CDC14A: variants seen among roughly 807,000 people sequenced by gnomAD.
CDC14A encodes dual specificity protein phosphatase CDC14A.
A neutral mutation model predicts 74.4 loss-of-function variants in CDC14A; 53 were observed. The observed-to-expected ratio is 0.71, with a 90% CI of 0.57 to 0.89. CDC14A has a LOEUF of 0.89. CDC14A is among the 40% of genes least tolerant of loss of function. The pLI is 0.00. For missense variants in CDC14A, 646 were observed against 713.7 expected, an observed-to-expected ratio of 0.91 and a Z score of 1.08; for synonymous variants, 247 against 258.4, an observed-to-expected ratio of 0.96 and a Z score of 0.43.
intron 2 of CDC14A, among the ~76,000 whole-genome samples, chr1:100,362,699 C>G (rs1270432536): frequency 6.6e-6 from 1 of 152,130 alleles, no homozygotes; most frequent in Non-Finnish European, 1.5e-5. Flanking sequence ...CGAAATACTT[C>G]CAGGAGCACC....
chr1:100,436,307 A>G (rs1349779340), intron 5 of CDC14A, among the ~76,000 whole-genome samples: 1 of 152,214 alleles, frequency 6.6e-6, no homozygotes, highest in Non-Finnish European at 1.5e-5. Flanking sequence ...TGCCTCTTAA[A>G]TGGACTTTCA....
At chr1:100,362,148 C>CT (rs1652844031) in intron 2 of CDC14A, among the ~76,000 whole-genome samples, 1 of 152,142 alleles carries the variant, frequency 6.6e-6, no homozygotes, top group African/African-American at 2.4e-5. Flanking sequence ...ATAATGGAGT[C>CT]TTTGTCTTTT....
intron 2 of CDC14A, among the ~76,000 whole-genome samples, chr1:100,367,439 A>G (rs1157602634): frequency 6.6e-6 from 1 of 152,192 alleles, no homozygotes; most frequent in Non-Finnish European, 1.5e-5. Context: ...ATTATACCAA[A>G]GTTGGTGATA....
intron 11 of CDC14A, among the ~76,000 whole-genome samples, chr1:100,494,077 A>C (rs1315625301): frequency 6.6e-6 from 1 of 152,208 alleles, no homozygotes; most frequent in Non-Finnish European, 1.5e-5. Context: ...TCTTGGGACA[A>C]TAAATCTAAT....
chr1:100,419,913 C>A (rs557790179), intron 4 of CDC14A, among the ~76,000 whole-genome samples: 2 of 149,566 alleles, frequency 1.3e-5, no homozygotes, highest in Non-Finnish European at 3.0e-5. Context: ...TTCAGATGGC[C>A]AAATTGAATC....
intron 8 of CDC14A, among the ~76,000 whole-genome samples, chr1:100,456,464 T>A (rs1176002673): frequency 3.4e-5 from 5 of 148,570 alleles, no homozygotes. Flanking sequence ...ATCATAGAGG[T>A]GGAATACCAG....
chr1:100,385,905 CT>C (rs1651539129), intron 3 of CDC14A, among the ~76,000 whole-genome samples: 1 of 152,128 alleles, frequency 6.6e-6, no homozygotes, highest in Non-Finnish European at 1.5e-5. Flanking sequence ...AGGGTATTTG[CT>C]TTGTAATCCC....
intron 4 of CDC14A, among the ~76,000 whole-genome samples, chr1:100,391,321 A>C (rs944815312): frequency 6.6e-6 from 1 of 152,168 alleles, no homozygotes; most frequent in Non-Finnish European, 1.5e-5. Flanking sequence ...AATCCTGCAT[A>C]TATTATAGCT....
chr1:100,501,224 C>T lies in CDC14A; in HGVS notation c.1755+1962C>T, dbSNP rs574298723. 6.6e-5 allele frequency among the ~76,000 whole-genome samples: 10 copies of T among 152,314 alleles called. No homozygotes were observed. The East Asian group carries it at 1.9e-3, about 29-fold the overall frequency. On this transcript the variant is annotated intron_variant, in intron 15 of 15. Coordinates refer to ENST00000336454, the MANE Select transcript of CDC14A (RefSeq NM_003672.4). ...ACTATATTTATAAATCATATACTTT[C>T]CAGCAGGCATTGAGTTCAGTCAGCA...
chr1:100,412,440 T>G (rs901566500), intron 4 of CDC14A, among the ~76,000 whole-genome samples: 2 of 151,686 alleles, frequency 1.3e-5, no homozygotes, highest in Non-Finnish European at 2.9e-5. Flanking sequence ...AATGAAGAAA[T>G]GAATTACCTG....
intron 7 of CDC14A, among the ~76,000 whole-genome samples, chr1:100,450,560 C>T (rs682605): frequency 0.035 from 5,399 of 152,126 alleles, 261 homozygotes; most frequent in African/African-American, 0.11. Context: ...AAGAAGCATT[C>T]TCCTGGAGCT....
rs751247467 is a variant in CDC14A at position 100,459,086 on chromosome 1, A to AACACACACACACACACACAC, written c.608-3551_608-3550insACACACACACACACACACAC. 7.6e-3 allele frequency among the ~76,000 whole-genome samples: 960 copies of AACACACACACACACACACAC among 127,126 alleles called. 1 individual carries two copies. The highest frequency in any genetic ancestry group is 0.013 in the African/African-American group (372 of 27,750). The allele number at this position is 127,126 out of a possible 152,430, so 83.4% of individuals were successfully genotyped here. A position where few individuals can be genotyped will look rare whatever the true frequency, so the allele number is the denominator to read the frequency against. On this transcript the variant is annotated intron_variant, in intron 8 of 15. Coordinates refer to ENST00000336454, the MANE Select transcript of CDC14A (RefSeq NM_003672.4). Reference sequence around the variant, plus strand: ...TCACTGTCATTCTCACTTCTATTTAAACACACACACACACGCACACACACA... The same window carrying AACACACACACACACACACAC: ...TCACTGTCATTCTCACTTCTATTTAAACACACACACACACACACACACACACACACACACGCACACACACA...
At chr1:100,412,819 G>A (rs1454308677) in intron 4 of CDC14A, among the ~76,000 whole-genome samples, 1 of 137,468 alleles carries the variant, frequency 7.3e-6, no homozygotes, top group Admixed American at 7.5e-5. Flanking sequence ...TTGGGTTTAA[G>A]TTACTTTTAT....
chr1:100,486,499 G>A (rs686266), intron 11 of CDC14A, among the ~76,000 whole-genome samples: 142,480 of 152,280 alleles, frequency 0.94, 67,200 homozygotes, highest in Non-Finnish European at 1. Context: ...TATTTCTCAC[G>A]GTTCTGCAGG....
At chr1:100,466,397 A>G (rs1378785482) in intron 9 of CDC14A, among the ~76,000 whole-genome samples, 1 of 152,214 alleles carries the variant, frequency 6.6e-6, no homozygotes, top group Non-Finnish European at 1.5e-5. Context: ...GCACTGGGTG[A>G]AATAGAAGGC....
At chr1:100,475,364 A>G (rs1668784467) in intron 10 of CDC14A, among the ~76,000 whole-genome samples, 1 of 152,136 alleles carries the variant, frequency 6.6e-6, no homozygotes. Flanking sequence ...AATCTTTGTC[A>G]AATTATTCTA....
At chr1:100,442,306 ATTGTATATATAAATATACTATATTATG>A (rs1665023160) in intron 6 of CDC14A, among the ~76,000 whole-genome samples, 2 of 147,228 alleles carry the variant, frequency 1.4e-5, no homozygotes, top group Non-Finnish European at 3.0e-5. Context: ...TATATTATGT[ATTGTATATATAAATATACTATATTATG>A]TATTATATAT....
At chr1:100,406,894 C>A (rs551334997) in intron 4 of CDC14A, among the ~76,000 whole-genome samples, 1 of 151,238 alleles carries the variant, frequency 6.6e-6, no homozygotes, top group Admixed American at 6.6e-5. Context: ...CCATTGGACT[C>A]CAGCCTGGGC....
chr1:100,412,330 G>T (rs1389835122), intron 4 of CDC14A, among the ~76,000 whole-genome samples: 1 of 152,104 alleles, frequency 6.6e-6, no homozygotes, highest in African/African-American at 2.4e-5. Context: ...CCTGGGATTA[G>T]ATCTGAAATG....
Sources: gnomAD v4.1 joint callset for allele counts (sites outside exome capture counted in the v4.1 genomes callset) on GRCh38, gnomAD v4.1.1 for gene constraint, MANE v1.5 for transcripts, NCBI Gene and HGNC (gene_info 2026-07-23, HGNC 2026-07-21) for gene names.